The following ASIC2 variants were observed in gnomAD, a reference collection of about 807,000 sequenced individuals.
ASIC2 encodes the protein acid-sensing ion channel 2.
Under a neutral mutation model 57.3 loss-of-function variants are expected in ASIC2, and 25 were observed. That is an observed-to-expected ratio of 0.44 (90% CI 0.32 to 0.61). The LOEUF is 0.61. Ranked by LOEUF, ASIC2 falls within the 20% of genes least tolerant of loss-of-function variation. The probability of loss-of-function intolerance (pLI) is 0.06; values close to 1 mark genes in which losing one functional copy is unlikely to be tolerated. For synonymous variants in ASIC2, 319 were observed against 307.5 expected, an observed-to-expected ratio of 1.04 and a Z score of -0.39; for missense variants, 641 against 738.1, an observed-to-expected ratio of 0.87 and a Z score of 1.52.
intron 1 of ASIC2, chr17:33,572,470 T>G (rs1029462354): frequency 2.6e-5 from 4 of 152,358 alleles, no homozygotes; most frequent in African/African-American, 7.2e-5. Context: ...CCTTGGAATC[T>G]AGGCCACATC....
At chr17:33,263,816 G>C (rs142765752) in intron 1 of ASIC2, among the ~76,000 whole-genome samples, 2 of 152,226 alleles carry the variant, frequency 1.3e-5, no homozygotes, top group Non-Finnish European at 2.9e-5. Flanking sequence ...CCTAAAGCAT[G>C]GTGCCCGGTT....
intron 1 of ASIC2, among the ~76,000 whole-genome samples, chr17:34,128,560 TC>T (rs920078571): frequency 1.3e-5 from 2 of 151,986 alleles, no homozygotes; most frequent in African/African-American, 4.8e-5. Flanking sequence ...CTCAGTTTCC[TC>T]ATCCTTTCAG....
At chr17:33,865,249 G>A (rs1371158718) in intron 1 of ASIC2, among the ~76,000 whole-genome samples, 2 of 152,178 alleles carry the variant, frequency 1.3e-5, no homozygotes, top group Non-Finnish European at 2.9e-5. Context: ...CCATGAGATG[G>A]TTCCAATTAT....
At chr17:33,172,856 G>T (rs1905580973) in intron 1 of ASIC2, among the ~76,000 whole-genome samples, 1 of 152,190 alleles carries the variant, frequency 6.6e-6, no homozygotes, top group Admixed American at 6.5e-5. Context: ...AAGCCTTCCA[G>T]CTGTCACTTC....
Position 34,156,301 on chromosome 17 carries a change from C to T in ASIC2, c.232G>A (p.Glu78Lys), listed in dbSNP as rs749146881. The T allele has an allele frequency of 1.1e-5, 17 of 1,614,078 alleles. No homozygotes were observed. The highest frequency in any genetic ancestry group is 1.6e-4 in the Middle Eastern group (1 of 6,084). Residue 78 changes from glutamate to lysine, a missense_variant, in exon 1 of 10, where the codon GAA (glutamate) becomes AAA (lysine). Coordinates refer to the ASIC2 transcript ENST00000359872. The surrounding 1 kb of genome is among the most constrained non-coding windows in gnomAD (Gnocchi z 4.4). ...AAGACCAGGCTTTGAGCCACCACTT[C>T]GTCCACCTTAGTGACATGCTGGTAG...
intron 1 of ASIC2, among the ~76,000 whole-genome samples, chr17:33,596,500 T>C (rs894558994): frequency 3.9e-5 from 6 of 152,220 alleles, no homozygotes; most frequent in African/African-American, 4.8e-5. Flanking sequence ...TCTGTGTTTT[T>C]GTGCCTCACT....
intron 1 of ASIC2, among the ~76,000 whole-genome samples, chr17:33,674,583 CA>C (rs975795409): frequency 3.0e-4 from 46 of 152,246 alleles, no homozygotes; most frequent in Admixed American, 1.9e-3. Context: ...TCCCTATGAA[CA>C]AAATACTATT....
chr17:34,144,677 A>C (rs1598046505), intron 1 of ASIC2, among the ~76,000 whole-genome samples: 1 of 152,184 alleles, frequency 6.6e-6, no homozygotes, highest in East Asian at 1.9e-4. Context: ...TGGAGGTGTT[A>C]AGTAATTTGT....
chr17:33,177,310 A>G (rs1199658893), intron 1 of ASIC2, among the ~76,000 whole-genome samples: 1 of 152,244 alleles, frequency 6.6e-6, no homozygotes, highest in East Asian at 1.9e-4. Context: ...TCCACCATTA[A>G]AGAGGAGCTC....
rs902344671 is a variant in ASIC2, at chr17:33,020,637, G to A, written c.1441+582C>T. On this transcript the variant is annotated intron_variant, in intron 7 of 9. Coordinates refer to ENST00000225823, the MANE Select transcript of ASIC2 (RefSeq NM_183377.2). The stretch of plus-strand genomic sequence containing the variant: ...GCCACTGGAGCCGGGGAGCTCATGC[G>A]AACTTTTGTGGGGTGGCAGCAGGTT... Among the ~76,000 whole-genome samples, 6 of 152,280 alleles carry A rather than the reference G, an allele frequency of 3.9e-5. No homozygotes were observed. The East Asian group carries it at 9.7e-4, about 24-fold the overall frequency.
chr17:33,145,564 A>G (rs1904526557), intron 1 of ASIC2, among the ~76,000 whole-genome samples: 1 of 152,220 alleles, frequency 6.6e-6, no homozygotes, highest in Non-Finnish European at 1.5e-5. Flanking sequence ...TAACACATGC[A>G]TAAGATATTT....
intron 1 of ASIC2, among the ~76,000 whole-genome samples, chr17:34,032,879 T>G (rs1907679461): frequency 6.6e-6 from 1 of 152,158 alleles, no homozygotes; most frequent in Admixed American, 6.5e-5. Context: ...CTTAATGACC[T>G]ACAAAAAGAC....
At chr17:33,914,347 G>C (rs1915537304) in intron 1 of ASIC2, among the ~76,000 whole-genome samples, 1 of 152,174 alleles carries the variant, frequency 6.6e-6, no homozygotes, top group South Asian at 2.1e-4. Context: ...GGCAGCCAGT[G>C]GGGAAGCCAG....
At chr17:33,575,614 AGT>A (rs1359710824) in intron 1 of ASIC2, among the ~76,000 whole-genome samples, 2 of 152,210 alleles carry the variant, frequency 1.3e-5, no homozygotes, top group Non-Finnish European at 2.9e-5. Flanking sequence ...GCAGCTGGGC[AGT>A]GCTATCTGCA....
At chr17:33,919,312 C>T (rs1311419764) in intron 1 of ASIC2, among the ~76,000 whole-genome samples, 8 of 152,126 alleles carry the variant, frequency 5.3e-5, no homozygotes, top group African/African-American at 1.4e-4. Flanking sequence ...TGCTGTTCAC[C>T]ACACATGAAA....
chr17:33,262,707 T>A (rs1909329575), intron 1 of ASIC2, among the ~76,000 whole-genome samples: 1 of 152,182 alleles, frequency 6.6e-6, no homozygotes, highest in South Asian at 2.1e-4. Flanking sequence ...ATGGTTCTTA[T>A]CCTCTTAGGG....
chr17:34,038,970 C>A, intron 1 of ASIC2: 1 of 1,613,948 alleles, frequency 6.2e-7, no homozygotes, highest in Non-Finnish European at 8.5e-7. Flanking sequence ...CCGTGTCGGA[C>A]GTAGTAAAGT....
intron 1 of ASIC2, among the ~76,000 whole-genome samples, chr17:33,308,368 C>T (rs1906269233): frequency 6.6e-6 from 1 of 152,178 alleles, no homozygotes; most frequent in Admixed American, 6.5e-5. Flanking sequence ...AGTGGACTTG[C>T]TTCATCCTGC....
At chr17:33,289,069 G>A (rs1567811597) in intron 1 of ASIC2, among the ~76,000 whole-genome samples, 1 of 152,200 alleles carries the variant, frequency 6.6e-6, no homozygotes. Context: ...CTTTAATTCT[G>A]AGGTCCTTGG....
Sources: gnomAD v4.1 joint callset for allele counts (sites outside exome capture counted in the v4.1 genomes callset) on GRCh38, gnomAD v4.1.1 for gene constraint, Gnocchi (gnomAD v3.1) non-coding constraint, MANE v1.5 for transcripts, NCBI Gene and HGNC (gene_info 2026-07-23, HGNC 2026-07-21) for gene names.